Variants in SLC12A3 observed in about 807,000 individuals in gnomAD.
The protein encoded by SLC12A3 is solute carrier family 12 member 3.
SLC12A3 carries 104 observed loss-of-function variants against 121.0 expected under a neutral mutation model. The observed-to-expected ratio is 0.86, with a 90% CI of 0.73 to 1.01. SLC12A3 has a LOEUF of 1.01. SLC12A3 is among the 50% of genes least tolerant of loss of function. SLC12A3 has a pLI of 0.00. For missense variants in SLC12A3, 1,328 were observed against 1,356.3 expected (o/e 0.98, Z 0.33); for synonymous variants, 536 against 533.4 (o/e 1.00, Z -0.07).
chr16:56,873,708 A>ATTT (rs398038206), intron 8 of SLC12A3, among the ~76,000 whole-genome samples: 1 of 125,424 alleles, frequency 8.0e-6, no homozygotes. Context: ...ATTTTATTTT[A>ATTT]TTTTTTTTTT....
At chr16:56,880,302 C>G (rs561342232) in intron 12 of SLC12A3, 49 bp downstream of exon 12, 7 of 1,546,600 alleles carry the variant, frequency 4.5e-6, no homozygotes, top group Non-Finnish European at 6.1e-6. Context: ...TTCCCCTGGC[C>G]GGCCATGAGG....
intron 8 of SLC12A3, among the ~76,000 whole-genome samples, chr16:56,874,733 A>G (rs1248709952): frequency 6.6e-6 from 1 of 152,212 alleles, no homozygotes; most frequent in African/African-American, 2.4e-5. Context: ...AGAACCCGGA[A>G]GGCGGAGGTT....
At chr16:56,879,299 TG>T in intron 10 of SLC12A3, 72 bp downstream of exon 10, 1 of 1,588,842 alleles carries the variant, frequency 6.3e-7, no homozygotes, top group Non-Finnish European at 8.6e-7. Flanking sequence ...CTTGCAGGCC[TG>T]GAAGTTTGTT....
chr16:56,902,463 C>A lies in SLC12A3; in HGVS notation c.2811C>A (p.Cys937Ter). The A allele has an allele frequency of 6.2e-7, 1 of 1,613,164 alleles. No homozygotes were observed. ...EATVNEMRRD[C>*]PWKISDEEIT... is the part of the protein sequence containing the mutation. ...CTGTCAACGAGATGCGGCGGGACTG[C>A]CCCTGGAAGATCTCAGATGAGGAGA... Residue 937 changes from cysteine to a stop codon, truncating the protein, a stop_gained, in exon 24 of 26, where the codon TGC becomes TGA. Coordinates refer to ENST00000563236, the MANE Select transcript of SLC12A3 (RefSeq NM_001126108.2). LOFTEE classifies it high-confidence loss of function.
chr16:56,908,161 C>CTTT (rs55644914), intron 25 of SLC12A3, among the ~76,000 whole-genome samples: 28 of 96,956 alleles, frequency 2.9e-4, no homozygotes, highest in South Asian at 6.7e-4. Context: ...AGTGATATAA[C>CTTT]TTTTTTTTTT....
At chr16:56,896,341 C>T (rs1453034230) in intron 22 of SLC12A3, among the ~76,000 whole-genome samples, 1 of 152,216 alleles carries the variant, frequency 6.6e-6, no homozygotes, top group Non-Finnish European at 1.5e-5. Context: ...AGGCTGGATG[C>T]ATGGGCTTGG....
At chr16:56,893,539 A>G (rs2055418881) in intron 21 of SLC12A3, among the ~76,000 whole-genome samples, 1 of 152,226 alleles carries the variant, frequency 6.6e-6, no homozygotes, top group African/African-American at 2.4e-5. Flanking sequence ...GCTGACAGGG[A>G]ATTCCCTACC....
Position 56,902,219 on chromosome 16 carries a change from CAACATGGA to C in SLC12A3, c.2721-152_2721-145del, listed in dbSNP as rs548720757. The stretch of plus-strand genomic sequence containing the variant: ...CAGACCCAGCCAGCAGAGCTGAATT[CAACATGGA>C]AGCCACTTTGTAAATGGCAGTGTCC... On this transcript the variant is annotated intron_variant, in intron 23 of 25. Transcript: ENST00000563236. The C allele has an allele frequency of 2.9e-5, 28 of 949,260 alleles. No individual in the cohort carries two copies. In the South Asian group the frequency reaches 4.0e-4, roughly 13 times the overall value. 58.8% of individuals were successfully genotyped at this position (949,260 alleles called of 1,614,324 possible). A position where few individuals can be genotyped will look rare whatever the true frequency, so the allele number is the denominator to read the frequency against.
chr16:56,870,840 CTTTTTTT>C (rs71152213), intron 6 of SLC12A3, 104 bp downstream of exon 6: 2 of 568,554 alleles, frequency 3.5e-6, no homozygotes, highest in Non-Finnish European at 6.2e-6. Context: ...TTTTTCTTTT[CTTTTTTT>C]TTTTTTGAGA....
At chr16:56,876,019 G>A (rs1184029598) in intron 8 of SLC12A3, among the ~76,000 whole-genome samples, 2 of 151,946 alleles carry the variant, frequency 1.3e-5, no homozygotes, top group African/African-American at 4.8e-5. Context: ...CGTTCAGGAG[G>A]CTAAAAGTCC....
At chr16:56,892,476 C>CA (rs1340359922) in intron 20 of SLC12A3, among the ~76,000 whole-genome samples, 4 of 152,096 alleles carry the variant, frequency 2.6e-5, no homozygotes, top group African/African-American at 9.7e-5. Context: ...AAAATATTGC[C>CA]AGGAGGTGGA....
At chr16:56,887,836 G>C (rs1311042764) in intron 17 of SLC12A3, 89 bp from the exon 18 acceptor site, 1 of 651,610 alleles carries the variant, frequency 1.5e-6, no homozygotes, top group African/African-American at 2.2e-5. Flanking sequence ...AGCACATCTG[G>C]AGACATCAGA....
rs1596967261 is a variant in SLC12A3 at position 56,915,448 on chromosome 16, T to C, written c.*2043T>C. ...CTCCCAGGCTGCTCTGAAGCCCCAC[T>C]GTCTGACCGCCTCAGGGCTTGCTAC... is the stretch of plus-strand genomic sequence containing the variant. On this transcript the variant is annotated 3_prime_UTR_variant, in exon 26 of 26. Transcript: ENST00000563236. 1.3e-5 allele frequency: 2 copies of C among 152,396 alleles called. No homozygotes were observed. Among genetic ancestry groups the C allele is most frequent in the East Asian group, 3.9e-4 (2 of 5,188 alleles). The allele number at this position is 152,396 out of a possible 1,614,324, so 9.4% of individuals were successfully genotyped here. A position where few individuals can be genotyped will look rare whatever the true frequency, so the allele number is the denominator to read the frequency against.
rs759004005 is a variant in SLC12A3 at position 56,869,785 on chromosome 16, TC to T, written c.564del (p.Ile189SerfsTer113). ...CACGGTGACCTCCATCACAGGCCTC[TC>T]CATCTCAGCCATCTCCACCAATGGC... Reference protein sequence around the residue: ...SVTVTSITGLSISAISTNGKV... With the variant: ...SVTVTSITGLXISAISTNGKV... On this transcript the variant is annotated frameshift_variant, in exon 4 of 26. Transcript: ENST00000563236. LOFTEE classifies it high-confidence loss of function. 1.2e-6 allele frequency: 2 copies of T among 1,613,950 alleles called. No homozygotes were observed.
At position 56,868,376 on chromosome 16, in the gene SLC12A3, A is replaced by T; in HGVS notation, c.505+4A>T. ...ATTACGGCCCAGGCAGGCATCGGTG[A>T]GTGCCCCTCTGGGGAAGAGGAGGGA... On this transcript the variant is annotated splice_donor_region_variant and intron_variant, in intron 3 of 25. Coordinates refer to ENST00000563236, the MANE Select transcript of SLC12A3 (RefSeq NM_001126108.2). 1 of 1,611,376 alleles carries T rather than the reference A, an allele frequency of 6.2e-7. No individual in the cohort carries two copies. Among genetic ancestry groups the T allele is most frequent in the Non-Finnish European group, 8.5e-7 (1 of 1,178,760 alleles).
At chr16:56,905,376 A>G (rs1473736215) in intron 25 of SLC12A3, among the ~76,000 whole-genome samples, 1 of 150,108 alleles carries the variant, frequency 6.7e-6, no homozygotes, top group African/African-American at 2.5e-5. Flanking sequence ...GAAGAAGAGG[A>G]AGAACATGAT....
rs546201047 is a variant in SLC12A3, at chr16:56,899,140, C to T, written c.2634-390C>T. Among the ~76,000 whole-genome samples, 12 of 152,326 alleles carry T rather than the reference C, an allele frequency of 7.9e-5. 1 individual carries two copies. In the South Asian group the frequency reaches 2.1e-3, roughly 26 times the overall value. On this transcript the variant is annotated intron_variant, in intron 22 of 25. Transcript: ENST00000563236. ...TGCCGCTACCCCCATGTTCTACAAG[C>T]GCAGGCTTTGATCTATTTTCCTCAC...
intron 22 of SLC12A3, among the ~76,000 whole-genome samples, chr16:56,895,924 G>A (rs1440620610): frequency 6.6e-5 from 10 of 152,060 alleles, no homozygotes; most frequent in African/African-American, 2.4e-4. Context: ...TCCTGCAAGA[G>A]GGTTTGTGGC....
intron 6 of SLC12A3, among the ~76,000 whole-genome samples, chr16:56,871,248 C>T (rs557235451): frequency 3.3e-5 from 5 of 152,308 alleles, no homozygotes; most frequent in Non-Finnish European, 5.9e-5. Flanking sequence ...ATCCCTGCGC[C>T]GTGGCCTTTG....
Sources: gnomAD v4.1 joint callset for allele counts (sites outside exome capture counted in the v4.1 genomes callset) on GRCh38, gnomAD v4.1.1 for gene constraint, MANE v1.5 for transcripts, NCBI Gene and HGNC (gene_info 2026-07-23, HGNC 2026-07-21) for gene names.